The following UPF2 variants were observed in gnomAD, a reference collection of about 807,000 sequenced individuals.
UPF2 encodes UPF2 regulator of nonsense mediated mRNA decay.
In UPF2, 17 loss-of-function variants were observed where a neutral mutation model predicts 141.4. That is an observed-to-expected ratio of 0.12 (90% CI 0.08 to 0.18). The LOEUF (loss-of-function observed/expected upper bound fraction) is 0.18, where lower values mean the gene tolerates loss of function less well. Ranked by LOEUF, UPF2 falls within the 10% of genes least tolerant of loss-of-function variation. The pLI, the probability that UPF2 is intolerant of heterozygous loss-of-function variation, is 1.00. For synonymous variants in UPF2, 540 were observed against 498.0 expected (o/e 1.08, Z -1.12); for missense variants, 1,152 against 1,515.9 (o/e 0.76, Z 3.99).
chr10:12,020,671 T>C (rs1288512404), intron 3 of UPF2, among the ~76,000 whole-genome samples: 3 of 152,242 alleles, frequency 2.0e-5, no homozygotes, highest in Admixed American at 1.3e-4. Flanking sequence ...GACACTGTTA[T>C]TAAGTGCTTT....
chr10:12,035,595 A>C (rs948573086), intron 1 of UPF2, 154 bp from the exon 2 acceptor site: 1 of 797,490 alleles, frequency 1.3e-6, no homozygotes, highest in African/African-American at 1.8e-5. Context: ...GTTACAAAAT[A>C]AGTTATTCAT....
At position 12,014,581 on chromosome 10, in the gene UPF2, TCCATGATTTGAA is replaced by T; in HGVS notation, c.1146-409_1146-398del. On this transcript the variant is annotated intron_variant, in intron 3 of 21. Coordinates refer to ENST00000357604, the MANE Select transcript of UPF2 (RefSeq NM_015542.4). This position sits in a 1 kb window ranked among gnomAD's most constrained non-coding sequence, Gnocchi z 5.0. Reference sequence around the variant, plus strand: ...ACAAAGAATCAATTATTCTTAAACCTCCATGATTTGAATCAGAAATATCATATTTAACAATAT... The same window carrying T: ...ACAAAGAATCAATTATTCTTAAACCTTCAGAAATATCATATTTAACAATAT... 6.6e-6 allele frequency among the ~76,000 whole-genome samples: 1 copy of T among 152,300 alleles called. No homozygotes were observed. The highest frequency in any genetic ancestry group is 1.9e-4 in the East Asian group (1 of 5,190).
At chr10:12,028,677 G>T in intron 3 of UPF2, 68 bp downstream of exon 3, 1 of 1,462,882 alleles carries the variant, frequency 6.8e-7, no homozygotes. Context: ...GTGGCATGAA[G>T]ACTTTAAACA....
At chr10:11,945,636 T>A (rs1355154475) in intron 16 of UPF2, among the ~76,000 whole-genome samples, 1 of 152,218 alleles carries the variant, frequency 6.6e-6, no homozygotes, top group African/African-American at 2.4e-5. Flanking sequence ...GAAAAGTAAG[T>A]AATAGTTACA....
At chr10:12,037,407 T>TC (rs980979887) in intron 1 of UPF2, among the ~76,000 whole-genome samples, 3 of 149,534 alleles carry the variant, frequency 2.0e-5, no homozygotes, top group Non-Finnish European at 4.5e-5. Context: ...TTTTTCTTTT[T>TC]TTTTTTTTTT....
chr10:12,001,956 A>G (rs1267729076), intron 5 of UPF2, 131 bp from the exon 6 acceptor site: 1 of 793,468 alleles, frequency 1.3e-6, no homozygotes, highest in Admixed American at 3.5e-5. Context: ...ACTGAAGTTA[A>G]TATATTTAGA....
At chr10:11,975,799 G>C (rs1180154728) in intron 9 of UPF2, among the ~76,000 whole-genome samples, 1 of 152,092 alleles carries the variant, frequency 6.6e-6, no homozygotes, top group Non-Finnish European at 1.5e-5. Context: ...TTACAGGTGT[G>C]GGCCACCGCG....
At position 11,936,673 on chromosome 10, in the gene UPF2, C is replaced by T; in HGVS notation, c.3418G>A (p.Val1140Ile). ...CTTTTGAGATGCAAAGGAATGGCAA[C>T]ATCTAGTTGGTGCACTTTAACAGAT... Reference protein sequence around the residue: ...GESVKVHQLDVAIPLHLKSQL... With the variant: ...GESVKVHQLDIAIPLHLKSQL... The change falls in exon 19 of 22, where the codon GTT becomes ATT. Residue 1140 changes from valine to isoleucine, a missense_variant. By Grantham distance (29) the Val-to-Ile change is conservative. Around this residue, in one of 4 missense-constraint regions of UPF2, gnomAD observed 202 missense variants for 223.6 expected, o/e 0.90. Coordinates refer to ENST00000357604, the MANE Select transcript of UPF2 (RefSeq NM_015542.4). This position sits in a 1 kb window ranked among gnomAD's most constrained non-coding sequence, Gnocchi z 6.6. The T allele has an allele frequency of 6.2e-7, 1 of 1,612,366 alleles. No homozygotes were observed. The highest frequency in any genetic ancestry group is 8.5e-7 in the Non-Finnish European group (1 of 1,179,294).
At chr10:11,930,558 C>T (rs1172821635) in intron 20 of UPF2, among the ~76,000 whole-genome samples, 1 of 152,150 alleles carries the variant, frequency 6.6e-6, no homozygotes, top group African/African-American at 2.4e-5. Flanking sequence ...GGGAGGACTG[C>T]TCAAGCTCAG....
intron 16 of UPF2, among the ~76,000 whole-genome samples, chr10:11,947,506 G>A (rs907431316): frequency 5.9e-5 from 9 of 152,128 alleles, no homozygotes; most frequent in African/African-American, 2.2e-4. Flanking sequence ...AAGAAGTGGG[G>A]TGCAATGGCT....
At chr10:12,011,523 C>G (rs1307133821) in intron 4 of UPF2, among the ~76,000 whole-genome samples, 1 of 152,130 alleles carries the variant, frequency 6.6e-6, no homozygotes, top group East Asian at 1.9e-4. Context: ...GTTGCTTAAA[C>G]CTGGGATGCA....
intron 8 of UPF2, among the ~76,000 whole-genome samples, chr10:11,981,627 A>G (rs2131231581): frequency 6.6e-6 from 1 of 152,342 alleles, no homozygotes; most frequent in East Asian, 1.9e-4. Context: ...AAATGCACAT[A>G]AGTAGGTCCC....
intron 1 of UPF2, among the ~76,000 whole-genome samples, chr10:12,039,095 C>T (rs1305271107): frequency 1.3e-5 from 2 of 152,184 alleles, no homozygotes; most frequent in African/African-American, 4.8e-5. Context: ...TACTAATACA[C>T]TACTCATGGT....
At chr10:11,944,560 A>G (rs752024720) in intron 16 of UPF2, among the ~76,000 whole-genome samples, 10 of 152,196 alleles carry the variant, frequency 6.6e-5, no homozygotes, top group Non-Finnish European at 1.3e-4. Flanking sequence ...TGTTTTCTGA[A>G]TTAATTTTAT....
At chr10:11,945,488 T>G (rs1455138098) in intron 16 of UPF2, among the ~76,000 whole-genome samples, 1 of 152,238 alleles carries the variant, frequency 6.6e-6, no homozygotes, top group Non-Finnish European at 1.5e-5. Flanking sequence ...TATTCCAACC[T>G]AATTTCTCAC....
At chr10:12,017,772 T>G (rs949533372) in intron 3 of UPF2, among the ~76,000 whole-genome samples, 1 of 152,230 alleles carries the variant, frequency 6.6e-6, no homozygotes. Context: ...CTTTAAGTTC[T>G]GGGATACATG....
chr10:11,974,114 T>C (rs945500473), intron 9 of UPF2, among the ~76,000 whole-genome samples: 1 of 152,188 alleles, frequency 6.6e-6, no homozygotes, highest in Non-Finnish European at 1.5e-5. Context: ...GTAAGTTGGA[T>C]TCCTAGGTAT....
At chr10:12,001,070 G>A (rs568774830) in intron 6 of UPF2, among the ~76,000 whole-genome samples, 10 of 152,256 alleles carry the variant, frequency 6.6e-5, no homozygotes, top group South Asian at 2.1e-4. Context: ...TCTCAGAAAA[G>A]TGTAAGTATC....
In UPF2 at chr10:11,956,827, CT is replaced by C. The variant is rs1017106167; in HGVS notation, c.2371-305del. Among the ~76,000 whole-genome samples the C allele has an allele frequency of 2.0e-5, 3 of 151,828 alleles. No individual in the cohort carries two copies. The highest frequency in any genetic ancestry group is 2.1e-4 in the South Asian group (1 of 4,804). On this transcript the variant is annotated intron_variant, in intron 12 of 21. Coordinates refer to ENST00000357604, the MANE Select transcript of UPF2 (RefSeq NM_015542.4). The surrounding 1 kb of genome is among the most constrained non-coding windows in gnomAD (Gnocchi z 4.2). ...CCAATCAGGAGTTTGGAGTAGGTTT[CT>C]TTTTCCCCCCCAGACACAGTCTCAC...
Sources: allele counts gnomAD v4.1 joint callset (sites outside exome capture counted in the v4.1 genomes callset), GRCh38; gene constraint gnomAD v4.1.1; regional missense constraint gnomAD v4.1.1; non-coding constraint Gnocchi (gnomAD v3.1); transcripts MANE v1.5; gene names NCBI Gene and HGNC (gene_info 2026-07-23, HGNC 2026-07-21).